Variants in PRR16 observed in about 807,000 individuals in gnomAD.
PRR16 encodes the protein proline rich 16.
A neutral mutation model predicts 18.2 loss-of-function variants in PRR16; 6 were observed. The observed-to-expected ratio is 0.33, with a 90% confidence interval of 0.18 to 0.65. The LOEUF is 0.65. Among genes scored for constraint, PRR16 ranks in the 30% least tolerant of loss-of-function variants. The pLI is 0.74. For synonymous variants in PRR16, 151 were observed against 147.8 expected (o/e 1.02, Z -0.16); for missense variants, 412 against 376.6 (o/e 1.09, Z -0.78).
intron 1 of PRR16, among the ~76,000 whole-genome samples, chr5:120,667,357 T>C (rs988468424): frequency 6.6e-6 from 1 of 152,090 alleles, no homozygotes; most frequent in African/African-American, 2.4e-5. Context: ...TTTTCTTTAT[T>C]AGTCTTGCTA....
intron 1 of PRR16, among the ~76,000 whole-genome samples, chr5:120,658,881 A>T (rs952125499): frequency 6.6e-6 from 1 of 151,712 alleles, no homozygotes; most frequent in Non-Finnish European, 1.5e-5. Flanking sequence ...AAGAAGTAGT[A>T]TTTCCTTCTT....
At chr5:120,717,904 T>C in the PRR16 span, among the ~76,000 whole-genome samples, 10 of 152,222 alleles carry the variant, frequency 6.6e-5, no homozygotes, top group African/African-American at 2.2e-4. Flanking sequence ...GTTTGCTTTA[T>C]ACATTTAACT....
chr5:120,791,434 CAG>C, the PRR16 span, among the ~76,000 whole-genome samples: 2 of 151,808 alleles, frequency 1.3e-5, no homozygotes, highest in Admixed American at 6.6e-5. Flanking sequence ...TGCTAGAAAA[CAG>C]AAAGCTCAGG....
intron 1 of PRR16, among the ~76,000 whole-genome samples, chr5:120,641,419 T>G (rs1204294386): frequency 6.6e-6 from 1 of 152,010 alleles, no homozygotes; most frequent in Admixed American, 6.6e-5. Flanking sequence ...TTCTAAGAAA[T>G]TGCAAGGGCA....
At chr5:120,779,875 G>C in the PRR16 span, among the ~76,000 whole-genome samples, 1 of 152,100 alleles carries the variant, frequency 6.6e-6, no homozygotes, top group Non-Finnish European at 1.5e-5. Flanking sequence ...GTGCCAAGTA[G>C]CCTTGGGTCC....
chr5:120,775,558 T>C, the PRR16 span, among the ~76,000 whole-genome samples: 61,909 of 151,656 alleles, frequency 0.41, 12,801 homozygotes, highest in African/African-American at 0.46. Flanking sequence ...TGTTCATTTC[T>C]ATTTCATTCT....
At chr5:120,715,881 T>A in the PRR16 span, among the ~76,000 whole-genome samples, 1 of 152,162 alleles carries the variant, frequency 6.6e-6, no homozygotes, top group African/African-American at 2.4e-5. Flanking sequence ...CTTCTCTCTA[T>A]AGAGTAGCCG....
At chr5:120,591,600 T>A (rs1753637960) in intron 1 of PRR16, among the ~76,000 whole-genome samples, 1 of 151,952 alleles carries the variant, frequency 6.6e-6, no homozygotes. Flanking sequence ...CAATAACTGC[T>A]TTTGTGGTTT....
chr5:120,537,803 G>A (rs1389600079), intron 1 of PRR16, among the ~76,000 whole-genome samples: 2 of 123,954 alleles, frequency 1.6e-5, no homozygotes, highest in Non-Finnish European at 3.2e-5. Flanking sequence ...TTGAGACGGA[G>A]TCTCGCTCTG....
chr5:120,749,312 A>T, the PRR16 span, among the ~76,000 whole-genome samples: 2 of 152,164 alleles, frequency 1.3e-5, no homozygotes, highest in African/African-American at 2.4e-5. Context: ...CACAAAATTT[A>T]ACTTGAAATT....
chr5:120,730,060 G>A, the PRR16 span, among the ~76,000 whole-genome samples: 1 of 152,092 alleles, frequency 6.6e-6, no homozygotes, highest in Admixed American at 6.6e-5. Flanking sequence ...AACCAGAAAT[G>A]TTATTTTCTT....
At chr5:120,628,753 C>G (rs1243224683) in intron 1 of PRR16, among the ~76,000 whole-genome samples, 1 of 150,104 alleles carries the variant, frequency 6.7e-6, no homozygotes, top group Non-Finnish European at 1.5e-5. Context: ...TATCTATCAT[C>G]TATCTGTCTT....
chr5:120,592,823 C>A (rs755503440), intron 1 of PRR16, among the ~76,000 whole-genome samples: 84 of 151,980 alleles, frequency 5.5e-4, no homozygotes, highest in South Asian at 8.3e-4. Context: ...TCCAAAATGT[C>A]AATGTTAAAT....
chr5:120,687,307 A>C lies in PRR16; in HGVS notation c.*598A>C, dbSNP rs1165102244. The stretch of plus-strand genomic sequence containing the variant: ...CAATAAACAATAGTAAATAATGACA[A>C]AAGCAAATGTTCCTCAGAATTAAAA... On this transcript the variant is annotated 3_prime_UTR_variant, in exon 2 of 2. Transcript: ENST00000407149. 1.3e-5 allele frequency: 2 copies of C among 152,222 alleles called. No individual in the cohort carries two copies. 9.4% of individuals were successfully genotyped at this position (152,222 alleles called of 1,614,324 possible).
the PRR16 span, among the ~76,000 whole-genome samples, chr5:120,776,836 G>A: frequency 1.3e-5 from 2 of 151,792 alleles, 1 homozygote; most frequent in Non-Finnish European, 2.9e-5. Context: ...TAAAAGTATT[G>A]CTCTGTTTTT....
intron 1 of PRR16, among the ~76,000 whole-genome samples, chr5:120,562,451 T>G (rs1752606064): frequency 6.6e-6 from 1 of 152,160 alleles, no homozygotes; most frequent in Admixed American, 6.6e-5. Flanking sequence ...GTTTTTTTAT[T>G]GGAGAGTTTA....
At chr5:120,707,977 T>C in the PRR16 span, among the ~76,000 whole-genome samples, 1 of 152,220 alleles carries the variant, frequency 6.6e-6, no homozygotes, top group Non-Finnish European at 1.5e-5. Flanking sequence ...AGTTACTGTT[T>C]GGTTTTTAGC....
At chr5:120,704,773 A>G in the PRR16 span, among the ~76,000 whole-genome samples, 3 of 152,178 alleles carry the variant, frequency 2.0e-5, no homozygotes, top group Non-Finnish European at 4.4e-5. Flanking sequence ...ATTAAATAAT[A>G]CAATACAGAG....
the PRR16 span, among the ~76,000 whole-genome samples, chr5:120,793,190 A>G: frequency 2.0e-4 from 30 of 152,130 alleles, no homozygotes; most frequent in African/African-American, 2.4e-5. Flanking sequence ...TAAAAGACAC[A>G]GTGACAATAT....
Sources: gnomAD v4.1 joint callset for allele counts (sites outside exome capture counted in the v4.1 genomes callset) on GRCh38, gnomAD v4.1.1 for gene constraint, MANE v1.5 for transcripts, NCBI Gene and HGNC (gene_info 2026-07-23, HGNC 2026-07-21) for gene names.